Variants in IQSEC1 observed in about 807,000 individuals in gnomAD.
IQSEC1 encodes IQ motif and SEC7 domain-containing protein 1.
Under a neutral mutation model 91.0 loss-of-function variants are expected in IQSEC1, and 31 were observed. The observed-to-expected ratio is 0.34, with a 90% CI of 0.26 to 0.46. The LOEUF (loss-of-function observed/expected upper bound fraction) is 0.46, where lower values mean the gene tolerates loss of function less well. IQSEC1 is among the 20% of genes least tolerant of loss of function. IQSEC1 has a pLI of 1.00. For missense variants in IQSEC1, 1,388 were observed against 1,575.6 expected (o/e 0.88, Z 2.02); for synonymous variants, 699 against 662.6 (o/e 1.05, Z -0.84).
chr3:12,905,145 G>A (rs780911991), intron 12 of IQSEC1, among the ~76,000 whole-genome samples: 2 of 152,250 alleles, frequency 1.3e-5, no homozygotes, highest in African/African-American at 2.4e-5. Context: ...CTGGTTCACC[G>A]GCTGATGAAG....
intron 2 of IQSEC1, among the ~76,000 whole-genome samples, chr3:12,938,047 C>T (rs1039138059): frequency 6.6e-6 from 1 of 152,240 alleles, no homozygotes; most frequent in Non-Finnish European, 1.5e-5. Flanking sequence ...CCACTCCCTG[C>T]ACCTTGCTCC....
At chr3:13,052,137 G>A (rs1213248964) in intron 1 of IQSEC1, among the ~76,000 whole-genome samples, 1 of 152,174 alleles carries the variant, frequency 6.6e-6, no homozygotes, top group African/African-American at 2.4e-5. Context: ...TGTGTGGCCA[G>A]CATGATGATA....
chr3:12,908,605 T>C lies in IQSEC1; in HGVS notation c.2579-80A>G, dbSNP rs1049060493. On this transcript the variant is annotated intron_variant, in intron 11 of 13. Coordinates refer to ENST00000613206, the MANE Select transcript of IQSEC1 (RefSeq NM_001134382.3). The surrounding 1 kb of genome is among the most constrained non-coding windows in gnomAD (Gnocchi z 4.9). The stretch of plus-strand genomic sequence containing the variant: ...GGAGACGGGGCCTTCTGCTTGGAGC[T>C]AGCACTGTCCTGAGCCACCATCTGC... The C allele has an allele frequency of 5.4e-5, 79 of 1,475,574 alleles. No homozygotes were observed. The highest frequency in any genetic ancestry group is 6.7e-5 in the Non-Finnish European group (72 of 1,066,690). 91.4% of individuals were successfully genotyped at this position (1,475,574 alleles called of 1,614,324 possible). A position where few individuals can be genotyped will look rare whatever the true frequency, so the allele number is the denominator to read the frequency against.
Position 13,073,183 on chromosome 3 carries a change from GGAGC to G in IQSEC1, c.-173_-170del. 1 of 715,950 alleles carries G rather than the reference GGAGC, an allele frequency of 1.4e-6. No individual in the cohort carries two copies. Among genetic ancestry groups the G allele is most frequent in the Non-Finnish European group, 2.3e-6 (1 of 428,060 alleles). 44.3% of individuals were successfully genotyped at this position (715,950 alleles called of 1,614,324 possible). A position where few individuals can be genotyped will look rare whatever the true frequency, so the allele number is the denominator to read the frequency against. ...GGGCTCCTCCAGGGAGGCTGGGGCG[GGAGC>G]GGGGGGCGGCGCCAGCAGCGGGCTG... On this transcript the variant is annotated 5_prime_UTR_variant, in exon 1 of 14. Coordinates refer to ENST00000613206, the MANE Select transcript of IQSEC1 (RefSeq NM_001134382.3).
chr3:12,967,670 C>G lies in IQSEC1; in HGVS notation c.24-25805G>C. The stretch of plus-strand genomic sequence containing the variant: ...GAGCCCCAGGCCAGCCAAGCCCGCC[C>G]CTCCGCCGCCGCCCGCTTGGCGCAG... On this transcript the variant is annotated intron_variant, in intron 1 of 13. Transcript: ENST00000613206. The surrounding 1 kb of genome is among the most constrained non-coding windows in gnomAD (Gnocchi z 5.9). 1 of 1,175,812 alleles carries G rather than the reference C, an allele frequency of 8.5e-7. No individual in the cohort carries two copies. Among genetic ancestry groups the G allele is most frequent in the Non-Finnish European group, 1.0e-6 (1 of 953,284 alleles). The allele number at this position is 1,175,812 out of a possible 1,614,324, so 72.8% of individuals were successfully genotyped here. A position where few individuals can be genotyped will look rare whatever the true frequency, so the allele number is the denominator to read the frequency against.
chr3:13,167,513 C>A (rs745694953), intron 1 of IQSEC1, among the ~76,000 whole-genome samples: 6 of 152,092 alleles, frequency 3.9e-5, no homozygotes, highest in African/African-American at 1.4e-4. Context: ...CACGCATCAG[C>A]CTGCCTCACA....
At chr3:12,960,250 G>A (rs1013738088) in intron 1 of IQSEC1, 6 of 152,176 alleles carry the variant, frequency 3.9e-5, no homozygotes, top group African/African-American at 1.4e-4. Flanking sequence ...TCCTGATCCT[G>A]TCAGGAATCT....
In IQSEC1 at chr3:12,899,442, G is replaced by GT; in HGVS notation, c.*1540dup. Reference sequence around the variant, plus strand: ...TGGCTCGAAAGGCTGAAACTACAAAGTATGGCCCGTGGGTGACTCGGGCAC... The same window carrying GT: ...TGGCTCGAAAGGCTGAAACTACAAAGTTATGGCCCGTGGGTGACTCGGGCAC... On this transcript the variant is annotated 3_prime_UTR_variant, in exon 14 of 14. Transcript: ENST00000613206. 1 of 1,608,938 alleles carries GT rather than the reference G, an allele frequency of 6.2e-7. No homozygotes were observed. The highest frequency in any genetic ancestry group is 8.5e-7 in the Non-Finnish European group (1 of 1,178,288).
At chr3:13,256,081 C>T (rs1485586108) in intron 1 of IQSEC1, among the ~76,000 whole-genome samples, 1 of 152,130 alleles carries the variant, frequency 6.6e-6, no homozygotes, top group Admixed American at 6.5e-5. Flanking sequence ...AACAGATGGA[C>T]CCTTGGCAAG....
intron 2 of IQSEC1, among the ~76,000 whole-genome samples, chr3:13,114,456 GT>G (rs1434960819): frequency 6.6e-6 from 1 of 152,162 alleles, no homozygotes; most frequent in Non-Finnish European, 1.5e-5. Context: ...TATTTATTGT[GT>G]TGTTATTTCA....
At chr3:13,215,929 C>T (rs560632424) in intron 1 of IQSEC1, among the ~76,000 whole-genome samples, 86 of 152,326 alleles carry the variant, frequency 5.6e-4, no homozygotes, top group Non-Finnish European at 1.1e-3. Flanking sequence ...AGACCAGGCC[C>T]GGGGCTTCCA....
intron 1 of IQSEC1, among the ~76,000 whole-genome samples, chr3:13,039,703 A>G (rs900898467): frequency 2.0e-5 from 3 of 152,118 alleles, no homozygotes; most frequent in Admixed American, 6.5e-5. Context: ...GACTTTTCTA[A>G]GCTCCCTGCC....
At chr3:13,216,039 G>C (rs1427859495) in intron 1 of IQSEC1, among the ~76,000 whole-genome samples, 1 of 152,204 alleles carries the variant, frequency 6.6e-6, no homozygotes, top group Non-Finnish European at 1.5e-5. Flanking sequence ...CCTCAAAGAC[G>C]GGTAGAGCCA....
chr3:13,130,105 G>C (rs1474892426), intron 2 of IQSEC1, among the ~76,000 whole-genome samples: 1 of 151,388 alleles, frequency 6.6e-6, no homozygotes, highest in African/African-American at 2.4e-5. Flanking sequence ...CAGCACTTTG[G>C]GAGGCCGAGG....
At chr3:13,206,090 C>T (rs978045880) in intron 1 of IQSEC1, among the ~76,000 whole-genome samples, 2 of 150,048 alleles carry the variant, frequency 1.3e-5, no homozygotes, top group Admixed American at 1.3e-4. Context: ...TCCGGTCAAC[C>T]ATTCCTCCAT....
chr3:13,189,562 C>T (rs1275264113), intron 1 of IQSEC1, among the ~76,000 whole-genome samples: 1 of 152,240 alleles, frequency 6.6e-6, no homozygotes, highest in Non-Finnish European at 1.5e-5. Context: ...ACCCCACAAG[C>T]TTCTCCCCTG....
chr3:13,021,806 T>G (rs2124973706), intron 1 of IQSEC1, among the ~76,000 whole-genome samples: 1 of 152,288 alleles, frequency 6.6e-6, no homozygotes. Context: ...GGCGTTCCTT[T>G]CCTGAACGTG....
At chr3:13,055,833 C>A (rs909581841) in intron 1 of IQSEC1, among the ~76,000 whole-genome samples, 3 of 152,056 alleles carry the variant, frequency 2.0e-5, no homozygotes, top group Non-Finnish European at 4.4e-5. Context: ...AACATCCTGG[C>A]GGAGGGGCCC....
At chr3:13,114,637 C>CA (rs1706305848) in intron 2 of IQSEC1, among the ~76,000 whole-genome samples, 1 of 151,672 alleles carries the variant, frequency 6.6e-6, no homozygotes, top group African/African-American at 2.4e-5. Context: ...ACTAAAAATA[C>CA]AAAAAATTAG....
Sources: gnomAD v4.1 joint callset for allele counts (sites outside exome capture counted in the v4.1 genomes callset) on GRCh38, gnomAD v4.1.1 for gene constraint, Gnocchi (gnomAD v3.1) non-coding constraint, MANE v1.5 for transcripts, NCBI Gene and HGNC (gene_info 2026-07-23, HGNC 2026-07-21) for gene names.